The following C8orf34 variants were observed in gnomAD, a reference collection of about 807,000 sequenced individuals.
C8orf34 encodes chromosome 8 open reading frame 34, also known as uncharacterized protein C8orf34.
In C8orf34, 65 loss-of-function variants were observed where a neutral mutation model predicts 68.3. That is an observed-to-expected ratio of 0.95 (90% CI 0.78 to 1.17). The LOEUF (loss-of-function observed/expected upper bound fraction) is 1.17. Among genes scored for constraint, C8orf34 ranks in the 50% most tolerant of loss-of-function variants. C8orf34 has a pLI of 0.00. For missense variants in C8orf34, 664 were observed against 655.4 expected, an observed-to-expected ratio of 1.01 and a Z score of -0.14; for synonymous variants, 244 against 241.2, an observed-to-expected ratio of 1.01 and a Z score of -0.11.
intron 4 of C8orf34, among the ~76,000 whole-genome samples, chr8:68,479,406 T>TGAGAGAGAGAGAGA (rs10573693): frequency 6.8e-6 from 1 of 147,334 alleles, no homozygotes; most frequent in African/African-American, 2.5e-5. Context: ...AGAGAAACAG[T>TGAGAGAGAGAGAGA]GAGAGAGAGA....
At chr8:68,487,932 C>G in intron 4 of C8orf34, 91 bp from the exon 5 acceptor site, 2 of 800,202 alleles carry the variant, frequency 2.5e-6, no homozygotes, top group Admixed American at 2.6e-5. Flanking sequence ...AGGAAATGCA[C>G]TACTTTTACA....
intron 1 of C8orf34, among the ~76,000 whole-genome samples, chr8:68,416,676 A>G (rs775326951): frequency 6.6e-5 from 10 of 151,936 alleles, no homozygotes; most frequent in African/African-American, 2.2e-4. Context: ...GATTACAGGT[A>G]GATGTCACCA....
chr8:68,758,465 C>T (rs940118111), intron 10 of C8orf34, among the ~76,000 whole-genome samples: 3 of 152,118 alleles, frequency 2.0e-5, no homozygotes, highest in African/African-American at 7.2e-5. Context: ...CTGCAGTGGT[C>T]TTGGCTGGGA....
At chr8:68,561,736 C>T (rs373446622) in intron 7 of C8orf34, among the ~76,000 whole-genome samples, 9 of 152,154 alleles carry the variant, frequency 5.9e-5, no homozygotes, top group African/African-American at 9.6e-5. Context: ...CCAGCCTGGA[C>T]GACAGGGCAA....
At chr8:68,664,204 T>C (rs562584528) in intron 8 of C8orf34, among the ~76,000 whole-genome samples, 1 of 152,282 alleles carries the variant, frequency 6.6e-6, no homozygotes, top group African/African-American at 2.4e-5. Context: ...GTCACTTGTG[T>C]GTGTACACTC....
chr8:68,557,158 T>G (rs1394818781), intron 7 of C8orf34, among the ~76,000 whole-genome samples: 1 of 152,176 alleles, frequency 6.6e-6, no homozygotes, highest in Non-Finnish European at 1.5e-5. Flanking sequence ...ACTACATTAT[T>G]TTCCTGGAGG....
At chr8:68,653,479 G>C (rs948220801) in intron 8 of C8orf34, among the ~76,000 whole-genome samples, 2 of 152,214 alleles carry the variant, frequency 1.3e-5, no homozygotes, top group African/African-American at 4.8e-5. Flanking sequence ...GTCTTAATCT[G>C]TTTGCCTGCT....
At chr8:68,404,025 T>A (rs936646538) in intron 1 of C8orf34, among the ~76,000 whole-genome samples, 1 of 152,234 alleles carries the variant, frequency 6.6e-6, no homozygotes, top group Non-Finnish European at 1.5e-5. Context: ...CTCCACATCC[T>A]CTCCAACATC....
At chr8:68,371,691 C>T (rs1807570481) in intron 1 of C8orf34, among the ~76,000 whole-genome samples, 1 of 151,826 alleles carries the variant, frequency 6.6e-6, no homozygotes, top group Non-Finnish European at 1.5e-5. Flanking sequence ...CCTCTGCCTC[C>T]TGCGTTCAAG....
At chr8:68,410,834 C>A (rs140583387) in intron 1 of C8orf34, among the ~76,000 whole-genome samples, 155 of 152,280 alleles carry the variant, frequency 1.0e-3, no homozygotes, top group African/African-American at 3.5e-3. Context: ...CCAACAGCAC[C>A]CCTTCCTAGA....
chr8:68,424,881 CAG>C (rs1256514797), intron 1 of C8orf34, among the ~76,000 whole-genome samples: 2 of 152,056 alleles, frequency 1.3e-5, no homozygotes, highest in Non-Finnish European at 2.9e-5. Context: ...GCCTGGGTGA[CAG>C]AGTGAGACTC....
At chr8:68,463,780 T>A (rs1811969049) in intron 3 of C8orf34, among the ~76,000 whole-genome samples, 1 of 152,200 alleles carries the variant, frequency 6.6e-6, no homozygotes, top group Admixed American at 6.5e-5. Flanking sequence ...TAGGTATTGA[T>A]GGGACGTATC....
At chr8:68,669,575 AATAAT>A (rs1322985329) in intron 8 of C8orf34, among the ~76,000 whole-genome samples, 1 of 152,202 alleles carries the variant, frequency 6.6e-6, no homozygotes, top group African/African-American at 2.4e-5. Context: ...TCAGGAAAAC[AATAAT>A]ATTGGGCATG....
At chr8:68,671,113 C>T (rs1327030385) in intron 8 of C8orf34, among the ~76,000 whole-genome samples, 4 of 152,148 alleles carry the variant, frequency 2.6e-5, no homozygotes, top group African/African-American at 4.8e-5. Flanking sequence ...TCACTGCTGG[C>T]TCCATCTCTA....
rs1420816651 is a variant in C8orf34 at position 68,747,002 on chromosome 8, C to T, written c.1404+25565C>T. Among the ~76,000 whole-genome samples the T allele has an allele frequency of 2.7e-3, 397 of 149,016 alleles. 2 individuals are homozygous for T. Among genetic ancestry groups the T allele is most frequent in the African/African-American group, 9.2e-3 (375 of 40,888 alleles). ...AATCCTCAATAAAATACTGGCAAAC[C>T]GAATCCAGCAGCACATCAAAAAGCT... On this transcript the variant is annotated intron_variant, in intron 10 of 13. Transcript: ENST00000518698.
At chr8:68,753,022 T>G (rs1822752438) in intron 10 of C8orf34, among the ~76,000 whole-genome samples, 1 of 152,120 alleles carries the variant, frequency 6.6e-6, no homozygotes, top group East Asian at 1.9e-4. Context: ...CACCAGAAAA[T>G]GTTGTTGATT....
chr8:68,743,600 C>T (rs1175580077), intron 10 of C8orf34, among the ~76,000 whole-genome samples: 2 of 152,182 alleles, frequency 1.3e-5, no homozygotes, highest in African/African-American at 4.8e-5. Flanking sequence ...AGTTCCCTTT[C>T]CTAGTCAAAG....
intron 9 of C8orf34, among the ~76,000 whole-genome samples, chr8:68,711,124 A>G (rs1361229420): frequency 6.6e-6 from 1 of 152,174 alleles, no homozygotes; most frequent in African/African-American, 2.4e-5. Context: ...GGGGGAGAAC[A>G]CAACATCAGG....
At chr8:68,351,740 A>G (rs1448531354) in intron 1 of C8orf34, among the ~76,000 whole-genome samples, 2 of 152,014 alleles carry the variant, frequency 1.3e-5, no homozygotes, top group Non-Finnish European at 2.9e-5. Flanking sequence ...GCTGGACTAT[A>G]TGGTAAGAAT....
Sources: gnomAD v4.1 joint callset for allele counts (sites outside exome capture counted in the v4.1 genomes callset) on GRCh38, gnomAD v4.1.1 for gene constraint, MANE v1.5 for transcripts, NCBI Gene and HGNC (gene_info 2026-07-23, HGNC 2026-07-21) for gene names.